GRID2: variants seen among roughly 807,000 people sequenced by gnomAD.
The protein encoded by GRID2 is glutamate ionotropic receptor delta type subunit 2, also known as glutamate receptor ionotropic, delta-2.
GRID2 carries 33 observed loss-of-function variants against 114.8 expected under a neutral mutation model. That is an observed-to-expected ratio of 0.29 (90% CI 0.22 to 0.38). The LOEUF (loss-of-function observed/expected upper bound fraction) is 0.38, where lower values mean the gene tolerates loss of function less well. Ranked by LOEUF, GRID2 falls within the 10% of genes least tolerant of loss-of-function variation. The pLI is 1.00. For missense variants in GRID2, 1,184 were observed against 1,257.7 expected, an observed-to-expected ratio of 0.94 and a Z score of 0.89; for synonymous variants, 505 against 449.9, an observed-to-expected ratio of 1.12 and a Z score of -1.55.
chr4:93,136,696 C>A (rs1413069269), intron 4 of GRID2, among the ~76,000 whole-genome samples: 1 of 151,968 alleles, frequency 6.6e-6, no homozygotes, highest in African/African-American at 2.4e-5. Context: ...ATAGAAGAAT[C>A]TGTGGTTGAG....
chr4:93,419,740 G>T (rs1024598697), intron 9 of GRID2, among the ~76,000 whole-genome samples: 3 of 152,090 alleles, frequency 2.0e-5, no homozygotes, highest in Non-Finnish European at 2.9e-5. Flanking sequence ...TTTGACAGCA[G>T]ACTTGTGCAA....
At chr4:93,309,257 G>A (rs1755755082) in intron 8 of GRID2, among the ~76,000 whole-genome samples, 1 of 152,156 alleles carries the variant, frequency 6.6e-6, no homozygotes. Flanking sequence ...GAATGAGGCA[G>A]GGTGCGGTGG....
chr4:93,129,899 T>C (rs1294383568), intron 4 of GRID2, among the ~76,000 whole-genome samples: 5 of 152,230 alleles, frequency 3.3e-5, no homozygotes, highest in Middle Eastern at 6.9e-3. Context: ...TGTTCAGAGA[T>C]GGAGTGGATC....
At chr4:93,413,241 CA>C (rs1767380678) in intron 9 of GRID2, among the ~76,000 whole-genome samples, 1 of 152,198 alleles carries the variant, frequency 6.6e-6, no homozygotes, top group Non-Finnish European at 1.5e-5. Context: ...TATTTCTTCA[CA>C]GCCTTGCCAG....
chr4:93,481,838 G>T (rs879852330), intron 11 of GRID2, among the ~76,000 whole-genome samples: 4 of 152,000 alleles, frequency 2.6e-5, no homozygotes, highest in Admixed American at 2.6e-4. Flanking sequence ...CAGCAAAAAT[G>T]AGCAGGGTCA....
At chr4:92,630,489 T>C (rs1207655536) in intron 2 of GRID2, among the ~76,000 whole-genome samples, 1 of 152,164 alleles carries the variant, frequency 6.6e-6, no homozygotes, top group African/African-American at 2.4e-5. Flanking sequence ...TAGCCTTTGC[T>C]ACATATGAAA....
At chr4:93,728,887 T>A (rs999404552) in intron 14 of GRID2, among the ~76,000 whole-genome samples, 1 of 152,176 alleles carries the variant, frequency 6.6e-6, no homozygotes. Context: ...TGTCTCTGCA[T>A]GTGAGATGGG....
chr4:93,750,773 G>A (rs996237363), intron 14 of GRID2, among the ~76,000 whole-genome samples: 2 of 151,954 alleles, frequency 1.3e-5, no homozygotes, highest in African/African-American at 4.8e-5. Flanking sequence ...ACAAAAAGGT[G>A]GTCTTGACCA....
intron 3 of GRID2, among the ~76,000 whole-genome samples, chr4:93,106,428 C>T (rs1279126800): frequency 6.6e-6 from 1 of 152,114 alleles, no homozygotes; most frequent in Non-Finnish European, 1.5e-5. Context: ...CTCACTGCAA[C>T]CTCCGCCTCC....
At chr4:93,121,105 A>T (rs187730178) in intron 4 of GRID2, among the ~76,000 whole-genome samples, 7 of 152,230 alleles carry the variant, frequency 4.6e-5, no homozygotes, top group African/African-American at 1.4e-4. Flanking sequence ...TAATAATAAA[A>T]AGGGTGCCCT....
At chr4:92,475,173 C>A (rs1039724245) in intron 1 of GRID2, among the ~76,000 whole-genome samples, 2 of 149,208 alleles carry the variant, frequency 1.3e-5, no homozygotes, top group Non-Finnish European at 1.5e-5. Context: ...TTTATTTTGA[C>A]TTAATCCCAT....
At chr4:92,538,770 G>C (rs553090731) in intron 1 of GRID2, among the ~76,000 whole-genome samples, 5 of 152,094 alleles carry the variant, frequency 3.3e-5, no homozygotes, top group Non-Finnish European at 5.9e-5. Context: ...TGAATGTAAG[G>C]TATTGTAATA....
intron 2 of GRID2, among the ~76,000 whole-genome samples, chr4:93,012,468 C>T (rs1578748886): frequency 6.6e-6 from 1 of 152,024 alleles, no homozygotes; most frequent in African/African-American, 2.4e-5. Flanking sequence ...AATTAGTCTA[C>T]TGAGGCCTAG....
At chr4:92,591,265 G>A (rs1728697111) in intron 2 of GRID2, among the ~76,000 whole-genome samples, 3 of 152,116 alleles carry the variant, frequency 2.0e-5, no homozygotes, top group African/African-American at 7.2e-5. Flanking sequence ...AGCAGAAGAA[G>A]ATCTCTCACA....
chr4:93,262,903 T>C (rs188003761), intron 8 of GRID2, among the ~76,000 whole-genome samples: 102 of 151,560 alleles, frequency 6.7e-4, no homozygotes, highest in Admixed American at 6.7e-3. Flanking sequence ...TACTATTAAA[T>C]TTTTTTTTCC....
chr4:92,649,442 C>T (rs1299818124), intron 2 of GRID2, among the ~76,000 whole-genome samples: 1 of 151,176 alleles, frequency 6.6e-6, no homozygotes, highest in Non-Finnish European at 1.5e-5. Context: ...TTTTCAGACC[C>T]TCAACTGATT....
At chr4:93,375,534 T>C (rs971047228) in intron 8 of GRID2, among the ~76,000 whole-genome samples, 10 of 152,032 alleles carry the variant, frequency 6.6e-5, no homozygotes, top group African/African-American at 2.4e-4. Flanking sequence ...TGTGATGTTG[T>C]GTAGGTCTCT....
rs949652190 is a variant in GRID2 at position 93,667,247 on chromosome 4, G to A, written c.2360+40812G>A. 3.9e-5 allele frequency among the ~76,000 whole-genome samples: 6 copies of A among 152,122 alleles called. No homozygotes were observed. The South Asian group carries it at 1.0e-3, about 26-fold the overall frequency. ...ACTAGACTGGGAAACAAAAGGGAAG[G>A]CTTTTTGAAAGAAATGGTGTGCTTA... On this transcript the variant is annotated intron_variant, in intron 14 of 15. Transcript: ENST00000282020.
chr4:92,378,762 A>T (rs1729474831), intron 1 of GRID2, among the ~76,000 whole-genome samples: 1 of 152,100 alleles, frequency 6.6e-6, no homozygotes, highest in Admixed American at 6.6e-5. Context: ...GTGGAATAGG[A>T]TACCTTATGC....
Sources: allele counts gnomAD v4.1 joint callset (sites outside exome capture counted in the v4.1 genomes callset), GRCh38; gene constraint gnomAD v4.1.1; transcripts MANE v1.5; gene names NCBI Gene and HGNC (gene_info 2026-07-23, HGNC 2026-07-21).